Variants in CCDC14 observed in about 807,000 individuals in gnomAD.
The protein encoded by CCDC14 is coiled-coil domain-containing protein 14.
In CCDC14, 71 loss-of-function variants were observed where a neutral mutation model predicts 81.4. That is an observed-to-expected ratio of 0.87 (90% confidence interval 0.72 to 1.06). The LOEUF (loss-of-function observed/expected upper bound fraction) is 1.06, where lower values mean the gene tolerates loss of function less well. CCDC14 is among the 50% of genes least tolerant of loss of function. The pLI, the probability that CCDC14 is intolerant of heterozygous loss-of-function variation, is 0.00. For synonymous variants in CCDC14, 332 were observed against 364.8 expected (o/e 0.91, Z 1.03); for missense variants, 1,046 against 1,047.3 (o/e 1.00, Z 0.02).
chr3:123,891,727 T>C, the CCDC14 span, among the ~76,000 whole-genome samples: 1 of 152,236 alleles, frequency 6.6e-6, no homozygotes, highest in Non-Finnish European at 1.5e-5. Flanking sequence ...CCTGTCTTCT[T>C]CTGAGCCCTC....
At chr3:123,925,684 C>T (rs2035322906) in intron 12 of CCDC14, among the ~76,000 whole-genome samples, 1 of 152,166 alleles carries the variant, frequency 6.6e-6, no homozygotes, top group African/African-American at 2.4e-5. Context: ...GATCTGCCCA[C>T]CTTGGCCTCC....
At chr3:123,936,088 C>T (rs546421528) in intron 9 of CCDC14, among the ~76,000 whole-genome samples, 2 of 152,146 alleles carry the variant, frequency 1.3e-5, no homozygotes, top group East Asian at 1.9e-4. Flanking sequence ...GTTCATGTGC[C>T]TAAGCCAAGA....
rs1268230469 is a variant in CCDC14, at chr3:123,956,316, CTAAT to C, written c.159+35_159+38del. The C allele has an allele frequency of 2.8e-6, 4 of 1,410,488 alleles. No individual in the cohort carries two copies. The East Asian group carries it at 1.0e-4, about 35-fold the overall frequency. 87.4% of individuals were successfully genotyped at this position (1,410,488 alleles called of 1,614,324 possible). On this transcript the variant is annotated intron_variant, in intron 3 of 12. Coordinates refer to ENST00000409697, the MANE Select transcript of CCDC14 (RefSeq NM_001366335.1). ...CTACTTTTTAGCTACTATTTGAAAA[CTAAT>C]TAAAATAGTGTGTATTGTATCTATT... is the stretch of plus-strand genomic sequence containing the variant.
At chr3:123,959,674 A>G (rs1425788057) in intron 1 of CCDC14, among the ~76,000 whole-genome samples, 1 of 152,084 alleles carries the variant, frequency 6.6e-6, no homozygotes, top group African/African-American at 2.4e-5. Context: ...TCAGCCCTGG[A>G]GTTGGTCATT....
At chr3:123,916,446 TTTCCC>T (rs1346950128) in intron 12 of CCDC14, among the ~76,000 whole-genome samples, 1 of 146,216 alleles carries the variant, frequency 6.8e-6, no homozygotes, top group Non-Finnish European at 1.5e-5. Flanking sequence ...CTAGGAATTA[TTTCCC>T]TTCATTATAT....
chr3:123,960,907 G>C (rs537984622), intron 1 of CCDC14, among the ~76,000 whole-genome samples: 3 of 152,300 alleles, frequency 2.0e-5, no homozygotes, highest in East Asian at 1.9e-4. Context: ...ACCCGGGCCT[G>C]ACCCCAAAGC....
At chr3:123,953,887 C>G (rs1016574748) in intron 5 of CCDC14, 1 of 152,170 alleles carries the variant, frequency 6.6e-6, no homozygotes. Flanking sequence ...GCACTAGGCT[C>G]GCATGACCTA....
At chr3:123,913,023 T>C (rs2034482900), downstream of CCDC14, among the ~76,000 whole-genome samples, 1 of 152,222 alleles carries the variant, frequency 6.6e-6, no homozygotes, top group Non-Finnish European at 1.5e-5. Context: ...TATGTATTCA[T>C]CCAAATGAAG....
intron 12 of CCDC14, among the ~76,000 whole-genome samples, chr3:123,918,921 C>G (rs976702343): frequency 6.6e-6 from 1 of 152,200 alleles, no homozygotes; most frequent in African/African-American, 2.4e-5. Flanking sequence ...CGAGTCCCTA[C>G]CACTATCACA....
At position 123,948,992 on chromosome 3, in the gene CCDC14, G is replaced by A. The variant is rs542035236; in HGVS notation, c.493C>T (p.His165Tyr). Reference sequence around the variant, plus strand: ...ATCAGTGACATCTGAGTCTGCACGTGCTCACAGAGGGCTTGGTATATTATG... The same window carrying A: ...ATCAGTGACATCTGAGTCTGCACGTACTCACAGAGGGCTTGGTATATTATG... ...SPIIYQALCE[H>Y]VQTQMSLMND... The change falls in exon 6 of 13, where the codon CAC becomes TAC. Residue 165 changes from histidine to tyrosine, a missense_variant. Coordinates refer to ENST00000409697, the MANE Select transcript of CCDC14 (RefSeq NM_001366335.1). 4 of 1,613,818 alleles carry A rather than the reference G, an allele frequency of 2.5e-6. No individual in the cohort carries two copies. The highest frequency in any genetic ancestry group is 3.4e-6 in the Non-Finnish European group (4 of 1,179,864).
In CCDC14 at chr3:123,948,673, T is replaced by C; in HGVS notation, c.684+18A>G. On this transcript the variant is annotated intron_variant, in intron 7 of 12. Transcript: ENST00000409697. ...TATAAGCAAATAGTTACTTATGTAG[T>C]ATAAGAACTGTACGCACAGAATGAA... 6.4e-7 allele frequency: 1 copy of C among 1,562,168 alleles called. No homozygotes were observed. Among genetic ancestry groups the C allele is most frequent in the South Asian group, 1.2e-5 (1 of 83,192 alleles).
intron 2 of CCDC14, 55 bp downstream of exon 2, chr3:123,956,685 A>G (rs1244923375): frequency 7.1e-7 from 1 of 1,406,728 alleles, no homozygotes; most frequent in Non-Finnish European, 9.8e-7. Flanking sequence ...CATCCAGCCC[A>G]AAGACCTGAA....
downstream of CCDC14, among the ~76,000 whole-genome samples, chr3:123,896,897 A>C (rs1408157733): frequency 6.6e-6 from 1 of 152,214 alleles, no homozygotes; most frequent in Non-Finnish European, 1.5e-5. Flanking sequence ...TAGCGATTTA[A>C]AGTACAGAAA....
chr3:123,885,477 T>G, the CCDC14 span, among the ~76,000 whole-genome samples: 1 of 75,782 alleles, frequency 1.3e-5, no homozygotes, highest in African/African-American at 3.9e-5. Context: ...CTCCCCCCAC[T>G]CTTTTTTTTT....
At chr3:123,908,603 A>G (rs1475069763), downstream of CCDC14, among the ~76,000 whole-genome samples, 1 of 152,210 alleles carries the variant, frequency 6.6e-6, no homozygotes, top group South Asian at 2.1e-4. Flanking sequence ...TTGGCCAAAG[A>G]TATAATACAA....
In CCDC14 at chr3:123,948,088, G is replaced by A. The variant is rs546580768; in HGVS notation, c.684+603C>T. The stretch of plus-strand genomic sequence containing the variant: ...ACCAGAAACTAAAACCTATACAGAG[G>A]ATTAAACGATTGGAAAGAACTCTAT... On this transcript the variant is annotated intron_variant, in intron 7 of 12. Coordinates refer to ENST00000409697, the MANE Select transcript of CCDC14 (RefSeq NM_001366335.1). Among the ~76,000 whole-genome samples the A allele has an allele frequency of 2.0e-5, 3 of 152,140 alleles. No homozygotes were observed. The South Asian group carries it at 6.2e-4, about 32-fold the overall frequency.
In CCDC14 at chr3:123,946,907, G is replaced by T. The variant is rs369332217; in HGVS notation, c.1097C>A (p.Thr366Lys). The T allele has an allele frequency of 6.2e-7, 1 of 1,613,842 alleles. No individual in the cohort carries two copies. The highest frequency in any genetic ancestry group is 8.5e-7 in the Non-Finnish European group (1 of 1,179,854). ...DLNIHVRDTK[T>K]VKDVQKAKNV... Reference sequence around the variant, plus strand: ...TTTTGCCTTCTGTACATCCTTCACTGTTTTTGTATCTCGCACATGTATGTT... The same window carrying T: ...TTTTGCCTTCTGTACATCCTTCACTTTTTTTGTATCTCGCACATGTATGTT... The change falls in exon 8 of 13, where the codon ACA becomes AAA. Residue 366 changes from threonine (T) to lysine (K), a missense_variant. Physicochemically the swap from Thr to Lys is moderately conservative, Grantham distance 78. Transcript: ENST00000409697.
the CCDC14 span, among the ~76,000 whole-genome samples, chr3:123,890,644 C>T: frequency 6.6e-6 from 1 of 152,184 alleles, no homozygotes; most frequent in Non-Finnish European, 1.5e-5. Flanking sequence ...GGTGGGTTCT[C>T]ATGGTCTTGG....
rs571126601 is a variant in CCDC14, at chr3:123,914,207, T to C, written c.*572A>G. The C allele has an allele frequency of 3.1e-5, 31 of 984,550 alleles. No homozygotes were observed. The South Asian group carries it at 1.4e-3, about 43-fold the overall frequency. The allele number at this position is 984,550 out of a possible 1,614,324, so 61.0% of individuals were successfully genotyped here. A position where few individuals can be genotyped will look rare whatever the true frequency, so the allele number is the denominator to read the frequency against. ...AGTTTTAAGAAGCCATATGTTAACTTAGGATGTTATCTATATATTTTTTAG... is the reference window on the plus strand; with the variant it reads ...AGTTTTAAGAAGCCATATGTTAACTCAGGATGTTATCTATATATTTTTTAG... On this transcript the variant is annotated 3_prime_UTR_variant, in exon 13 of 13. Transcript: ENST00000409697.
Sources: allele counts gnomAD v4.1 joint callset (sites outside exome capture counted in the v4.1 genomes callset), GRCh38; gene constraint gnomAD v4.1.1; transcripts MANE v1.5; gene names NCBI Gene and HGNC (gene_info 2026-07-23, HGNC 2026-07-21).